Variants in HES2 observed in about 807,000 individuals in gnomAD.
The protein encoded by HES2 is hes family bHLH transcription factor 2, also known as transcription factor HES-2.
In HES2, 11 loss-of-function variants were observed where a neutral mutation model predicts 11.9. That is an observed-to-expected ratio of 0.92 (90% CI 0.58 to 1.53). The LOEUF is 1.53. HES2 is among the 40% of genes most tolerant of loss of function. The pLI is 0.00. For synonymous variants in HES2, 125 were observed against 122.8 expected (o/e 1.02, Z -0.12); for missense variants, 260 against 253.8 (o/e 1.02, Z -0.16).
rs182995155 is a variant in HES2, at chr1:6,419,706, C to G, written c.46-4G>C. 1.4e-5 allele frequency: 21 copies of G among 1,552,628 alleles called. 1 individual carries two copies. In the Middle Eastern group the frequency reaches 6.1e-4, roughly 45 times the overall value. ...TCTCCAGCAGCGGCTTCAGGCTCTG[C>G]GGACGGGCGGCGCGGTGGTTAGACG... On this transcript the variant is annotated splice_polypyrimidine_tract_variant and splice_region_variant and intron_variant, in intron 1 of 3. Coordinates refer to ENST00000377834, the MANE Select transcript of HES2 (RefSeq NM_019089.5). This position sits in a 1 kb window ranked among gnomAD's most constrained non-coding sequence, Gnocchi z 8.1.
Position 6,419,843 on chromosome 1 carries a change from G to A in HES2, c.-23C>T. On this transcript the variant is annotated 5_prime_UTR_variant, in exon 1 of 4. Transcript: ENST00000377834. The surrounding 1 kb of genome is among the most constrained non-coding windows in gnomAD (Gnocchi z 8.1). Reference sequence around the variant, plus strand: ...CATGCTCCGCGGGGAAGCGGTGGCAGCTGCGAGCCCCACGCAAAGGGAAAC... The same window carrying A: ...CATGCTCCGCGGGGAAGCGGTGGCAACTGCGAGCCCCACGCAAAGGGAAAC... 6.5e-7 allele frequency: 1 copy of A among 1,535,684 alleles called. No homozygotes were observed. The highest frequency in any genetic ancestry group is 8.7e-7 in the Non-Finnish European group (1 of 1,146,420).
rs1642854266 is a variant in HES2 at position 6,416,709 on chromosome 1, C to G, written c.*2164G>C. On this transcript the variant is annotated 3_prime_UTR_variant, in exon 4 of 4. Transcript: ENST00000377834. ...GGAGAGGAAGCGAGGGTCCTCCTGG[C>G]TGGTTAGATCTTACAGAGTTTAAGC... The G allele has an allele frequency of 6.6e-6, 1 of 152,350 alleles. No homozygotes were observed. Among genetic ancestry groups the G allele is most frequent in the Admixed American group, 6.5e-5 (1 of 15,278 alleles). 9.4% of individuals were successfully genotyped at this position (152,350 alleles called of 1,614,324 possible). A position where few individuals can be genotyped will look rare whatever the true frequency, so the allele number is the denominator to read the frequency against.
chr1:6,419,622 C>A lies in HES2; in HGVS notation c.126G>T (p.Pro42=), dbSNP rs1442433758. The A allele has an allele frequency of 6.5e-7, 1 of 1,540,430 alleles. No homozygotes were observed. Among genetic ancestry groups the A allele is most frequent in the Non-Finnish European group, 8.7e-7 (1 of 1,146,484 alleles). ...SLSQLKGLIL[P]LLGRENSNCS... ...GCGCGCTCACCTCCCGGCCCAGCAGCGGCAGGATGAGCCCCTTAAGCTGGC... is the reference window on the plus strand; with the variant it reads ...GCGCGCTCACCTCCCGGCCCAGCAGAGGCAGGATGAGCCCCTTAAGCTGGC... Residue 42 remains proline (P), a synonymous_variant, in exon 2 of 4, where the codon CCG becomes CCT. Coordinates refer to ENST00000377834, the MANE Select transcript of HES2 (RefSeq NM_019089.5). The surrounding 1 kb of genome is among the most constrained non-coding windows in gnomAD (Gnocchi z 8.1).
rs776224200 is a variant in HES2, at chr1:6,419,164, AGAGCCGCGT to A, written c.242-20_242-12del. 11 of 1,554,356 alleles carry A rather than the reference AGAGCCGCGT, an allele frequency of 7.1e-6. No individual in the cohort carries two copies. The South Asian group carries it at 9.3e-5, about 13-fold the overall frequency. ...AGCTGTCGCAAGGCACTGCGGGCGG[AGAGCCGCGT>A]GAGGCGCGGGGTAGGGTGCCGGGTG... On this transcript the variant is annotated splice_polypyrimidine_tract_variant and intron_variant, in intron 3 of 3. Coordinates refer to ENST00000377834, the MANE Select transcript of HES2 (RefSeq NM_019089.5). The surrounding 1 kb of genome is among the most constrained non-coding windows in gnomAD (Gnocchi z 8.1).
chr1:6,419,266 C>T lies in HES2; in HGVS notation c.216G>A (p.Ala72=). ...GGGGCGCTGCCGTGGGCCATGAGGA[C>T]GCAGGCAGCTCCTGCAGGAAGCGCA... ...MTVRFLQELP[A]SSWPTAAPLP... Residue 72 remains alanine (A), a synonymous_variant, in exon 3 of 4, where the codon GCG becomes GCA. Transcript: ENST00000377834. The surrounding 1 kb of genome is among the most constrained non-coding windows in gnomAD (Gnocchi z 8.1). 4 of 1,610,220 alleles carry T rather than the reference C, an allele frequency of 2.5e-6. No individual in the cohort carries two copies. Among genetic ancestry groups the T allele is most frequent in the Non-Finnish European group, 3.4e-6 (4 of 1,178,994 alleles).
Position 6,419,366 on chromosome 1 carries a change from A to G in HES2, c.142-26T>C, listed in dbSNP as rs1392022300. On this transcript the variant is annotated intron_variant, in intron 2 of 3. Transcript: ENST00000377834. The surrounding 1 kb of genome is among the most constrained non-coding windows in gnomAD (Gnocchi z 8.1). ...CTGCGCCCGGCCACGAGGAAGAGCG[A>G]CAGAGAACCACCAAGACAGAACTTT... is the stretch of plus-strand genomic sequence containing the variant. The G allele has an allele frequency of 1.9e-6, 3 of 1,576,286 alleles. No individual in the cohort carries two copies. Among genetic ancestry groups the G allele is most frequent in the African/African-American group, 2.7e-5 (2 of 73,872 alleles).
In HES2 at chr1:6,419,522, GT is replaced by G; in HGVS notation, c.141+84del. On this transcript the variant is annotated intron_variant, in intron 2 of 3. Coordinates refer to ENST00000377834, the MANE Select transcript of HES2 (RefSeq NM_019089.5). The surrounding 1 kb of genome is among the most constrained non-coding windows in gnomAD (Gnocchi z 8.1). ...CTCGGGCGCCGCGCGGAACCCCCTG[GT>G]GGGTTCCTCCCGCAGGAGCACCCCG... The G allele has an allele frequency of 7.6e-7, 1 of 1,310,146 alleles. No individual in the cohort carries two copies. The highest frequency in any genetic ancestry group is 1.4e-5 in the South Asian group (1 of 69,764). 81.2% of individuals were successfully genotyped at this position (1,310,146 alleles called of 1,614,324 possible). A position where few individuals can be genotyped will look rare whatever the true frequency, so the allele number is the denominator to read the frequency against.
In HES2 at chr1:6,418,894, A is replaced by G; in HGVS notation, c.501T>C (p.Pro167=). 1 of 1,313,646 alleles carries G rather than the reference A, an allele frequency of 7.6e-7. No homozygotes were observed. The highest frequency in any genetic ancestry group is 9.6e-7 in the Non-Finnish European group (1 of 1,039,070). 81.4% of individuals were successfully genotyped at this position (1,313,646 alleles called of 1,614,324 possible). ...GGGGCTACCACGGCCGCCAGAGGCC[A>G]GGGCCGCAGGGAGGCGAGGGCGGCG... The part of the protein sequence containing the change: ...VPSPPSPPCG[P]GLWRPW The change falls in exon 4 of 4, where the codon CCT becomes CCC. Residue 167 remains proline (P), a synonymous_variant. Transcript: ENST00000377834.
chr1:6,419,283 G>A lies in HES2; in HGVS notation c.199C>T (p.Leu67=). ...ADVLEMTVRF[L]QELPASSWPT... is the part of the protein sequence containing the mutation. Reference sequence around the variant, plus strand: ...CATGAGGACGCAGGCAGCTCCTGCAGGAAGCGCACGGTCATTTCCAGGACG... The same window carrying A: ...CATGAGGACGCAGGCAGCTCCTGCAAGAAGCGCACGGTCATTTCCAGGACG... Residue 67 remains leucine, a synonymous_variant, in exon 3 of 4, where the codon CTG becomes TTG. Transcript: ENST00000377834. This position sits in a 1 kb window ranked among gnomAD's most constrained non-coding sequence, Gnocchi z 8.1. 1 of 1,610,886 alleles carries A rather than the reference G, an allele frequency of 6.2e-7. No homozygotes were observed. Among genetic ancestry groups the A allele is most frequent in the Non-Finnish European group, 8.5e-7 (1 of 1,179,202 alleles).
chr1:6,416,058 G>C lies in HES2; in HGVS notation c.*2815C>G, dbSNP rs951802378. 6.6e-6 allele frequency: 1 copy of C among 152,300 alleles called. No individual in the cohort carries two copies. Among genetic ancestry groups the C allele is most frequent in the Non-Finnish European group, 1.5e-5 (1 of 68,106 alleles). 9.4% of individuals were successfully genotyped at this position (152,300 alleles called of 1,614,324 possible). A position where few individuals can be genotyped will look rare whatever the true frequency, so the allele number is the denominator to read the frequency against. On this transcript the variant is annotated 3_prime_UTR_variant, in exon 4 of 4. Transcript: ENST00000377834. ...CTCCCGAAGTGCTGGCATTACAGACGTGAGCCACTGCGCCCGGCCTTGCCC... is the reference window on the plus strand; with the variant it reads ...CTCCCGAAGTGCTGGCATTACAGACCTGAGCCACTGCGCCCGGCCTTGCCC...
In HES2 at chr1:6,419,430, T is replaced by C. The variant is rs1333173526; in HGVS notation, c.142-90A>G. ...GCGCACCCTCGCTCTAGTCGGGAGC[T>C]GGGTGTGGGGCGCGCCGTGGCCTGC... On this transcript the variant is annotated intron_variant, in intron 2 of 3. Transcript: ENST00000377834. This position sits in a 1 kb window ranked among gnomAD's most constrained non-coding sequence, Gnocchi z 8.1. The C allele has an allele frequency of 1.0e-5, 13 of 1,276,348 alleles. No homozygotes were observed. The highest frequency in any genetic ancestry group is 1.4e-5 in the Non-Finnish European group (13 of 920,382). 79.1% of individuals were successfully genotyped at this position (1,276,348 alleles called of 1,614,324 possible).
rs755147082 is a variant in HES2 at position 6,419,568 on chromosome 1, C to T, written c.141+39G>A. ...ACCCCGTCCCCCTGCCCCCGCTCCGCGCCCCAGGACCCTCTGCCCTCCGCC... is the reference window on the plus strand; with the variant it reads ...ACCCCGTCCCCCTGCCCCCGCTCCGTGCCCCAGGACCCTCTGCCCTCCGCC... On this transcript the variant is annotated intron_variant, in intron 2 of 3. Transcript: ENST00000377834. The surrounding 1 kb of genome is among the most constrained non-coding windows in gnomAD (Gnocchi z 8.1). 1.8e-5 allele frequency: 26 copies of T among 1,473,482 alleles called. 1 individual carries two copies. In the South Asian group the frequency reaches 3.1e-4, roughly 18 times the overall value. The allele number at this position is 1,473,482 out of a possible 1,614,324, so 91.3% of individuals were successfully genotyped here.
In HES2 at chr1:6,418,557, C is replaced by T; in HGVS notation, c.*316G>A. ...GGGGTGGGTGTGTCGGCTGCCCACGCAGCTGCGGGGTCCAGTTCCAGAACT... is the reference window on the plus strand; with the variant it reads ...GGGGTGGGTGTGTCGGCTGCCCACGTAGCTGCGGGGTCCAGTTCCAGAACT... On this transcript the variant is annotated 3_prime_UTR_variant, in exon 4 of 4. Transcript: ENST00000377834. 3.4e-6 allele frequency: 1 copy of T among 297,352 alleles called. No individual in the cohort carries two copies. The highest frequency in any genetic ancestry group is 6.2e-6 in the Non-Finnish European group (1 of 161,808). The allele number at this position is 297,352 out of a possible 1,614,324, so 18.4% of individuals were successfully genotyped here. A position where few individuals can be genotyped will look rare whatever the true frequency, so the allele number is the denominator to read the frequency against.
Position 6,416,480 on chromosome 1 carries a change from C to T in HES2, c.*2393G>A, listed in dbSNP as rs1642851979. On this transcript the variant is annotated 3_prime_UTR_variant, in exon 4 of 4. Coordinates refer to ENST00000377834, the MANE Select transcript of HES2 (RefSeq NM_019089.5). ...TGCCTGGGGCCCAGAACCTTACCCA[C>T]CCAGGCTTGCCCCCTCCCTTCCAGG... is the stretch of plus-strand genomic sequence containing the variant. 1 of 152,348 alleles carries T rather than the reference C, an allele frequency of 6.6e-6. No individual in the cohort carries two copies. The allele number at this position is 152,348 out of a possible 1,614,324, so 9.4% of individuals were successfully genotyped here. A position where few individuals can be genotyped will look rare whatever the true frequency, so the allele number is the denominator to read the frequency against.
In HES2 at chr1:6,415,252, T is replaced by C. The variant is rs1246768781; in HGVS notation, c.*3621A>G. On this transcript the variant is annotated 3_prime_UTR_variant, in exon 4 of 4. Transcript: ENST00000377834. Reference sequence around the variant, plus strand: ...CCCCATTTTATTGCAGTTCACTTTATTGCACGTCAAGATATTGCCTTTTTT... The same window carrying C: ...CCCCATTTTATTGCAGTTCACTTTACTGCACGTCAAGATATTGCCTTTTTT... The C allele has an allele frequency of 6.6e-6, 1 of 150,454 alleles. No individual in the cohort carries two copies. Among genetic ancestry groups the C allele is most frequent in the East Asian group, 1.9e-4 (1 of 5,168 alleles). The allele number at this position is 150,454 out of a possible 1,614,324, so 9.3% of individuals were successfully genotyped here. A position where few individuals can be genotyped will look rare whatever the true frequency, so the allele number is the denominator to read the frequency against.
In HES2 at chr1:6,419,450, G is replaced by T; in HGVS notation, c.142-110C>A. On this transcript the variant is annotated intron_variant, in intron 2 of 3. Transcript: ENST00000377834. The surrounding 1 kb of genome is among the most constrained non-coding windows in gnomAD (Gnocchi z 8.1). ...GGAGCTGGGTGTGGGGCGCGCCGTG[G>T]CCTGCTGGGGGTCCGCTCCGACGCG... The T allele has an allele frequency of 8.4e-7, 1 of 1,187,712 alleles. No individual in the cohort carries two copies. The highest frequency in any genetic ancestry group is 1.2e-6 in the Non-Finnish European group (1 of 850,964). 73.6% of individuals were successfully genotyped at this position (1,187,712 alleles called of 1,614,324 possible). A position where few individuals can be genotyped will look rare whatever the true frequency, so the allele number is the denominator to read the frequency against.
chr1:6,418,804 A>G lies in HES2; in HGVS notation c.*69T>C. 7.9e-7 allele frequency: 1 copy of G among 1,264,716 alleles called. No individual in the cohort carries two copies. The highest frequency in any genetic ancestry group is 9.9e-7 in the Non-Finnish European group (1 of 1,008,860). 78.3% of individuals were successfully genotyped at this position (1,264,716 alleles called of 1,614,324 possible). The stretch of plus-strand genomic sequence containing the variant: ...AATGATGGGAACAGCAGCCGCCACC[A>G]AGAGCTTCAACCTGTCCAGTGCCCC... On this transcript the variant is annotated 3_prime_UTR_variant, in exon 4 of 4. Transcript: ENST00000377834.
Position 6,419,643 on chromosome 1 carries a change from C to T in HES2, c.105G>A (p.Gln35=), listed in dbSNP as rs1642889149. Residue 35 remains glutamine, a synonymous_variant, in exon 2 of 4, where the codon CAG becomes CAA. Transcript: ENST00000377834. The surrounding 1 kb of genome is among the most constrained non-coding windows in gnomAD (Gnocchi z 8.1). ...RRARINQSLS[Q]LKGLILPLLG... Reference sequence around the variant, plus strand: ...GCAGCGGCAGGATGAGCCCCTTAAGCTGGCTCAGGCTCTGGTTGATGCGCG... The same window carrying T: ...GCAGCGGCAGGATGAGCCCCTTAAGTTGGCTCAGGCTCTGGTTGATGCGCG... 3 of 1,551,298 alleles carry T rather than the reference C, an allele frequency of 1.9e-6. No individual in the cohort carries two copies. The highest frequency in any genetic ancestry group is 2.6e-6 in the Non-Finnish European group (3 of 1,151,728).
Position 6,419,367 on chromosome 1 carries a change from C to A in HES2, c.142-27G>T. On this transcript the variant is annotated intron_variant, in intron 2 of 3. Transcript: ENST00000377834. This position sits in a 1 kb window ranked among gnomAD's most constrained non-coding sequence, Gnocchi z 8.1. ...TGCGCCCGGCCACGAGGAAGAGCGA[C>A]AGAGAACCACCAAGACAGAACTTTG... 6.3e-7 allele frequency: 1 copy of A among 1,577,628 alleles called. No individual in the cohort carries two copies. The highest frequency in any genetic ancestry group is 8.7e-7 in the Non-Finnish European group (1 of 1,154,838).
Sources: gnomAD v4.1 joint callset for allele counts on GRCh38, gnomAD v4.1.1 for gene constraint, Gnocchi (gnomAD v3.1) non-coding constraint, MANE v1.5 for transcripts, NCBI Gene and HGNC (gene_info 2026-07-23, HGNC 2026-07-21) for gene names.